Variants in COL19A1 observed in about 807,000 individuals in gnomAD.
COL19A1 encodes the protein collagen alpha-1(XIX) chain.
Under a neutral mutation model 190.2 loss-of-function variants are expected in COL19A1, and 159 were observed. The ratio of observed to expected loss-of-function variants is 0.84; its 90% confidence interval spans 0.73 to 0.95. COL19A1 has a LOEUF of 0.95. Ranked by LOEUF, COL19A1 falls within the 40% of genes least tolerant of loss-of-function variation. The probability of loss-of-function intolerance (pLI) is 0.00; values close to 1 mark genes in which losing one functional copy is unlikely to be tolerated. For synonymous variants in COL19A1, 509 were observed against 458.9 expected, an observed-to-expected ratio of 1.11 and a Z score of -1.39; for missense variants, 1,418 against 1,431.9, an observed-to-expected ratio of 0.99 and a Z score of 0.16.
chr6:70,188,265 T>C lies in COL19A1; in HGVS notation c.3027+20T>C, dbSNP rs747546686. ...ATTCCGGTAAGTAGTGCTAAGACGC[T>C]TTAGGGCTCCTGGCTTGTACCGACC... On this transcript the variant is annotated intron_variant, in intron 47 of 50. Transcript: ENST00000620364. The C allele has an allele frequency of 1.9e-6, 3 of 1,583,662 alleles. No homozygotes were observed. Among genetic ancestry groups the C allele is most frequent in the Admixed American group, 3.7e-5 (2 of 53,438 alleles).
At position 70,156,080 on chromosome 6, in the gene COL19A1, G is replaced by T. The variant is rs143532124; in HGVS notation, c.2080-47G>T. On this transcript the variant is annotated intron_variant, in intron 31 of 50. Transcript: ENST00000620364. ...CATCACATGAAACCTCACCTTTATA[G>T]ACGGCTTTTATGACTCCCTCAGTAA... 1.3e-4 allele frequency: 206 copies of T among 1,557,558 alleles called. No individual in the cohort carries two copies. The East Asian group carries it at 4.5e-3, about 34-fold the overall frequency.
At chr6:69,926,185 CCA>C (rs1481771305) in intron 4 of COL19A1, among the ~76,000 whole-genome samples, 1 of 152,094 alleles carries the variant, frequency 6.6e-6, no homozygotes, top group East Asian at 1.9e-4. Context: ...GGGAATGCCT[CCA>C]GTTTTTGCCC....
At chr6:70,058,332 A>C (rs1358031748) in intron 14 of COL19A1, among the ~76,000 whole-genome samples, 2 of 152,052 alleles carry the variant, frequency 1.3e-5, no homozygotes, top group Non-Finnish European at 2.9e-5. Flanking sequence ...CTAATTTTTA[A>C]ATTTTTGAAG....
At chr6:70,117,631 C>T (rs1477903423) in intron 16 of COL19A1, among the ~76,000 whole-genome samples, 1 of 152,180 alleles carries the variant, frequency 6.6e-6, no homozygotes, top group African/African-American at 2.4e-5. Flanking sequence ...GTTTATAGGC[C>T]TCTCAGATAA....
chr6:70,098,936 A>G (rs921944078), intron 15 of COL19A1, among the ~76,000 whole-genome samples: 1 of 151,762 alleles, frequency 6.6e-6, no homozygotes, highest in South Asian at 2.1e-4. Context: ...TGCAGCCCCT[A>G]AGAAAGGTGC....
intron 35 of COL19A1, 52 bp from the exon 36 acceptor site, chr6:70,163,291 T>G: frequency 1.9e-6 from 3 of 1,541,866 alleles, no homozygotes; most frequent in Non-Finnish European, 2.7e-6. Context: ...TCCAATACCC[T>G]TTGGCCATTT....
chr6:69,896,543 C>CAAAAAAAAAAAAAAAAA (rs61409385), intron 2 of COL19A1, among the ~76,000 whole-genome samples: 9 of 71,674 alleles, frequency 1.3e-4, no homozygotes, highest in African/African-American at 5.4e-4. Flanking sequence ...GACTCCGTCT[C>CAAAAAAAAAAAAAAAAA]AAAAAAAAAA....
At chr6:70,021,587 A>G (rs1230905819) in intron 11 of COL19A1, among the ~76,000 whole-genome samples, 2 of 152,116 alleles carry the variant, frequency 1.3e-5, no homozygotes, top group Non-Finnish European at 2.9e-5. Flanking sequence ...TATTAGAAAG[A>G]TATTTTCTTC....
intron 11 of COL19A1, among the ~76,000 whole-genome samples, chr6:69,970,358 A>G (rs1166278794): frequency 6.6e-6 from 1 of 152,200 alleles, no homozygotes; most frequent in African/African-American, 2.4e-5. Flanking sequence ...TATATGTAAT[A>G]GGAAAATATT....
chr6:70,080,454 T>C (rs1434763265), intron 15 of COL19A1, among the ~76,000 whole-genome samples: 2 of 152,262 alleles, frequency 1.3e-5, no homozygotes, highest in African/African-American at 2.4e-5. Flanking sequence ...ATCCCTTTTA[T>C]CTAAGACTCC....
At chr6:70,145,119 G>A (rs12182250) in intron 25 of COL19A1, 112 bp downstream of exon 25, 4 of 797,614 alleles carry the variant, frequency 5.0e-6, no homozygotes, top group Admixed American at 2.6e-5. Context: ...TGCAAAAAAA[G>A]GAAAAAAGAA....
chr6:70,006,363 C>T (rs1777626043), intron 11 of COL19A1, among the ~76,000 whole-genome samples: 1 of 152,220 alleles, frequency 6.6e-6, no homozygotes, highest in Non-Finnish European at 1.5e-5. Context: ...GGCTAGGCAG[C>T]ATGCTCACTC....
At chr6:70,091,861 G>C (rs899002621) in intron 15 of COL19A1, among the ~76,000 whole-genome samples, 29 of 152,048 alleles carry the variant, frequency 1.9e-4, no homozygotes, top group Non-Finnish European at 4.1e-4. Flanking sequence ...GCTGAGGGAA[G>C]GTAAATTGTA....
chr6:69,921,272 TATATC>T (rs1342479789), intron 4 of COL19A1, among the ~76,000 whole-genome samples: 4 of 127,024 alleles, frequency 3.1e-5, no homozygotes, highest in South Asian at 4.9e-4. Context: ...ATATATCATA[TATATC>T]ATATATCATA....
chr6:70,009,371 A>G (rs1351870323), intron 11 of COL19A1, among the ~76,000 whole-genome samples: 1 of 152,092 alleles, frequency 6.6e-6, no homozygotes, highest in African/African-American at 2.4e-5. Context: ...AATCAATCAA[A>G]AAAATGAAAT....
intron 11 of COL19A1, among the ~76,000 whole-genome samples, chr6:70,019,036 C>T (rs761355268): frequency 1.3e-5 from 2 of 152,100 alleles, no homozygotes; most frequent in African/African-American, 2.4e-5. Flanking sequence ...CAAAACTCCA[C>T]AGGAATTTTC....
At chr6:70,155,286 T>G (rs1214229932) in intron 31 of COL19A1, among the ~76,000 whole-genome samples, 1 of 152,156 alleles carries the variant, frequency 6.6e-6, no homozygotes, top group Non-Finnish European at 1.5e-5. Flanking sequence ...AATGGAAACT[T>G]AAGTTGTCCT....
chr6:70,019,768 A>G (rs1053423106), intron 11 of COL19A1, among the ~76,000 whole-genome samples: 24 of 152,154 alleles, frequency 1.6e-4, no homozygotes, highest in African/African-American at 4.8e-4. Context: ...TTCAAACACA[A>G]GAAACAATCT....
At chr6:70,109,121 G>A (rs1021428583) in intron 16 of COL19A1, among the ~76,000 whole-genome samples, 1 of 152,058 alleles carries the variant, frequency 6.6e-6, no homozygotes, top group African/African-American at 2.4e-5. Context: ...TGGTTAATAA[G>A]CAGTTAAATA....
Sources: allele counts gnomAD v4.1 joint callset (sites outside exome capture counted in the v4.1 genomes callset), GRCh38; gene constraint gnomAD v4.1.1; transcripts MANE v1.5; gene names NCBI Gene and HGNC (gene_info 2026-07-23, HGNC 2026-07-21).